The following AFF4 variants were observed in gnomAD, a reference collection of about 807,000 sequenced individuals.
The protein encoded by AFF4 is AF4/FMR2 family member 4.
Under a neutral mutation model 124.8 loss-of-function variants are expected in AFF4, and 13 were observed. The observed-to-expected ratio is 0.10, with a 90% CI of 0.07 to 0.17. The LOEUF (loss-of-function observed/expected upper bound fraction) is 0.17. AFF4 is among the 10% of genes least tolerant of loss of function. The pLI, the probability that AFF4 is intolerant of heterozygous loss-of-function variation, is 1.00. For missense variants in AFF4, 1,092 were observed against 1,403.8 expected (o/e 0.78, Z 3.55); for synonymous variants, 477 against 496.1 (o/e 0.96, Z 0.51).
At chr5:132,899,445 GAAGAA>G (rs1561486347) in intron 8 of AFF4, 137 bp downstream of exon 8, 2 of 846,266 alleles carry the variant, frequency 2.4e-6, no homozygotes, top group Non-Finnish European at 1.7e-6. Context: ...TAAAAACAGA[GAAGAA>G]AACTACAACA....
At position 132,938,981 on chromosome 5, in the gene AFF4, A is replaced by G. The variant is rs1486476525; in HGVS notation, c.-4-1788T>C. On this transcript the variant is annotated intron_variant, in intron 1 of 20. Coordinates refer to ENST00000265343, the MANE Select transcript of AFF4 (RefSeq NM_014423.4). ...AAAAAAAAGGCAATTTAATGTTTAG[A>G]AAAAAAAAAAAAAAAGGGACCCGAG... 9.9e-4 allele frequency among the ~76,000 whole-genome samples: 97 copies of G among 98,044 alleles called. 1 individual carries two copies. The highest frequency in any genetic ancestry group is 2.9e-3 in the African/African-American group (84 of 28,844). The allele number at this position is 98,044 out of a possible 152,430, so 64.3% of individuals were successfully genotyped here.
intron 4 of AFF4, 72 bp from the exon 5 acceptor site, chr5:132,927,279 T>C: frequency 7.7e-7 from 1 of 1,303,898 alleles, no homozygotes; most frequent in Admixed American, 2.2e-5. Context: ...AAACCAGATT[T>C]GTATTTATAA....
At chr5:132,889,035 G>C (rs1760189516) in intron 14 of AFF4, 44 bp downstream of exon 14, 2 of 1,541,102 alleles carry the variant, frequency 1.3e-6, no homozygotes, top group Non-Finnish European at 1.8e-6. Context: ...ATGCTGACTG[G>C]AATCATTTCT....
chr5:132,911,302 T>C (rs932109222), intron 5 of AFF4, among the ~76,000 whole-genome samples: 9 of 152,144 alleles, frequency 5.9e-5, no homozygotes, highest in Non-Finnish European at 4.4e-5. Context: ...ATCTTTCTAC[T>C]AAAAATCTTT....
intron 1 of AFF4, among the ~76,000 whole-genome samples, chr5:132,957,388 T>C (rs1047309449): frequency 6.6e-6 from 1 of 152,004 alleles, no homozygotes; most frequent in Non-Finnish European, 1.5e-5. Context: ...ATTTAAAATG[T>C]TATTTTATTT....
intron 4 of AFF4, chr5:132,927,408 C>T (rs976394466): frequency 2.2e-6 from 1 of 453,552 alleles, no homozygotes; most frequent in East Asian, 4.1e-5. Flanking sequence ...TGCTCCCTGG[C>T]TTTGAGGAGT....
chr5:132,881,818 T>C lies in AFF4; in HGVS notation c.3365-632A>G, dbSNP rs942534818. Among the ~76,000 whole-genome samples, 9 of 150,020 alleles carry C rather than the reference T, an allele frequency of 6.0e-5. No homozygotes were observed. The East Asian group carries it at 1.8e-3, about 29-fold the overall frequency. ...TCTGCTGCCTCAGCCAAATATAAAA[T>C]ACAAAAAAGTTTTTTTTTTTTTTTT... On this transcript the variant is annotated intron_variant, in intron 20 of 20. Coordinates refer to ENST00000265343, the MANE Select transcript of AFF4 (RefSeq NM_014423.4).
At chr5:132,911,133 T>C (rs772505951) in intron 5 of AFF4, among the ~76,000 whole-genome samples, 1 of 152,198 alleles carries the variant, frequency 6.6e-6, no homozygotes, top group African/African-American at 2.4e-5. Context: ...TGTTTTTCCC[T>C]TTCTACTAAG....
intron 3 of AFF4, among the ~76,000 whole-genome samples, chr5:132,933,448 T>C (rs1003173625): frequency 6.6e-6 from 1 of 150,972 alleles, no homozygotes; most frequent in Non-Finnish European, 1.5e-5. Flanking sequence ...GATGGTCATG[T>C]CTGTAACCTT....
At chr5:132,897,429 T>C (rs1366617202) in intron 10 of AFF4, among the ~76,000 whole-genome samples, 189 bp from the exon 11 acceptor site, 2 of 151,990 alleles carry the variant, frequency 1.3e-5, no homozygotes, top group Non-Finnish European at 2.9e-5. Context: ...AGAAGATAAG[T>C]GGCCAGGCAC....
chr5:132,950,213 C>T (rs532419358), intron 1 of AFF4, among the ~76,000 whole-genome samples: 3 of 152,218 alleles, frequency 2.0e-5, no homozygotes, highest in South Asian at 2.1e-4. Flanking sequence ...CGATGGCTCA[C>T]GCCTGTAATT....
At chr5:132,902,292 CCT>C in intron 7 of AFF4, 148 bp downstream of exon 7, 1 of 566,418 alleles carries the variant, frequency 1.8e-6, no homozygotes, top group East Asian at 3.1e-5. Flanking sequence ...ACGTGATCTG[CCT>C]GCCTTGGCCT....
chr5:132,884,720 A>C (rs1484524443), intron 19 of AFF4, among the ~76,000 whole-genome samples: 1 of 152,184 alleles, frequency 6.6e-6, no homozygotes, highest in African/African-American at 2.4e-5. Flanking sequence ...TGAAGGAGAA[A>C]TCACAATCAT....
rs1308422223 is a variant in AFF4, at chr5:132,879,998, GC to G, written c.*1060del. On this transcript the variant is annotated 3_prime_UTR_variant, in exon 21 of 21. Transcript: ENST00000265343. ...AGCAAAAGCACACACCGAAGCTCCA[GC>G]CTATTTCTGTATCAGTCATTGCATG... 2.6e-6 allele frequency: 1 copy of G among 384,898 alleles called. No individual in the cohort carries two copies. The highest frequency in any genetic ancestry group is 3.7e-5 in the East Asian group (1 of 27,382). 23.8% of individuals were successfully genotyped at this position (384,898 alleles called of 1,614,324 possible).
chr5:132,896,307 A>G lies in AFF4; in HGVS notation c.2307+16T>C. On this transcript the variant is annotated intron_variant, in intron 11 of 20. Coordinates refer to ENST00000265343, the MANE Select transcript of AFF4 (RefSeq NM_014423.4). ...TTCTGATGTTTCAAAACAAACAACA[A>G]AAACCCTTCACAAACCTTATGCTTC... 1 of 1,558,896 alleles carries G rather than the reference A, an allele frequency of 6.4e-7. No individual in the cohort carries two copies. Among genetic ancestry groups the G allele is most frequent in the Non-Finnish European group, 8.6e-7 (1 of 1,161,238 alleles).
In AFF4 at chr5:132,934,672, A is replaced by G. The variant is rs1761384307; in HGVS notation, c.393T>C (p.His131=). The part of the protein sequence containing the change: ...QKRSSGLQSG[H]SSQRTSAGSS... ...TACCTGCGCTGGTCCGCTGGCTACT[A>G]TGTCCACTCTGTAAGCCTGAGGACC... Residue 131 remains histidine (H), a synonymous_variant, in exon 3 of 21, where the codon CAT becomes CAC. Transcript: ENST00000265343. 5 of 1,613,956 alleles carry G rather than the reference A, an allele frequency of 3.1e-6. No homozygotes were observed. Among genetic ancestry groups the G allele is most frequent in the Non-Finnish European group, 4.2e-6 (5 of 1,180,024 alleles).
intron 4 of AFF4, 84 bp from the exon 5 acceptor site, chr5:132,927,291 T>C: frequency 8.3e-7 from 1 of 1,197,948 alleles, no homozygotes; most frequent in Non-Finnish European, 1.2e-6. Context: ...TATTTATAAA[T>C]ACTGGTTTCA....
intron 1 of AFF4, 25 bp downstream of exon 1, chr5:132,963,234 G>C (rs1357321706): frequency 2.6e-6 from 1 of 391,022 alleles, no homozygotes; most frequent in African/African-American, 2.1e-5. Context: ...GCCCGGCCCT[G>C]GGTCAGTCTG....
intron 20 of AFF4, among the ~76,000 whole-genome samples, chr5:132,882,312 C>T (rs571128470): frequency 8.0e-4 from 122 of 152,070 alleles, no homozygotes; most frequent in Non-Finnish European, 1.5e-3. Context: ...TACCTGTTCA[C>T]GCTGTAAGTA....
Sources: gnomAD v4.1 joint callset for allele counts (sites outside exome capture counted in the v4.1 genomes callset) on GRCh38, gnomAD v4.1.1 for gene constraint, MANE v1.5 for transcripts, NCBI Gene and HGNC (gene_info 2026-07-23, HGNC 2026-07-21) for gene names.